NOX4: variants seen among roughly 807,000 people sequenced by gnomAD.
NOX4 encodes kidney oxidase-1.
A neutral mutation model predicts 87.6 loss-of-function variants in NOX4; 69 were observed. That is an observed-to-expected ratio of 0.79 (90% CI 0.65 to 0.96). The LOEUF is 0.96. Ranked by LOEUF, NOX4 falls within the 40% of genes least tolerant of loss-of-function variation. The probability of loss-of-function intolerance (pLI) is 0.00; values close to 1 mark genes in which losing one functional copy is unlikely to be tolerated. For synonymous variants in NOX4, 275 were observed against 238.2 expected, an observed-to-expected ratio of 1.15 and a Z score of -1.42; for missense variants, 680 against 681.5, an observed-to-expected ratio of 1.00 and a Z score of 0.02.
At chr11:89,337,860 T>C (rs1945784999) in intron 15 of NOX4, among the ~76,000 whole-genome samples, 1 of 152,062 alleles carries the variant, frequency 6.6e-6, no homozygotes, top group Non-Finnish European at 1.5e-5. Context: ...CTCAAAATTG[T>C]ACCAGTTTAC....
chr11:89,536,145 T>TTC, the NOX4 span, among the ~76,000 whole-genome samples: 2 of 136,536 alleles, frequency 1.5e-5, no homozygotes, highest in Non-Finnish European at 3.1e-5. Context: ...TTTCTTTTTT[T>TTC]TTTTTTTTTT....
the NOX4 span, among the ~76,000 whole-genome samples, chr11:89,527,852 C>G: frequency 6.6e-6 from 1 of 152,206 alleles, no homozygotes; most frequent in Admixed American, 6.5e-5. Flanking sequence ...ACAGAGTCCA[C>G]ACTGGGACAC....
chr11:89,384,501 A>G (rs985051418), intron 11 of NOX4, among the ~76,000 whole-genome samples: 1 of 152,114 alleles, frequency 6.6e-6, no homozygotes, highest in Non-Finnish European at 1.5e-5. Flanking sequence ...AACCACTTCT[A>G]CAAAACAACA....
chr11:89,431,131 C>A (rs149916785), intron 7 of NOX4, among the ~76,000 whole-genome samples: 2,192 of 152,192 alleles, frequency 0.014, 53 homozygotes, highest in African/African-American at 0.05. Context: ...ATAAATGGTG[C>A]TGGGAAAACT....
intron 11 of NOX4, among the ~76,000 whole-genome samples, chr11:89,397,220 TGGG>T (rs1941553524): frequency 6.6e-6 from 1 of 152,170 alleles, no homozygotes. Context: ...GAATGACTAC[TGGG>T]TAAATAATGA....
chr11:89,454,671 TG>T (rs1565313902), intron 2 of NOX4, among the ~76,000 whole-genome samples: 2 of 152,118 alleles, frequency 1.3e-5, no homozygotes, highest in African/African-American at 4.8e-5. Flanking sequence ...GTAAATAGTC[TG>T]GGCATAAATA....
chr11:89,451,598 C>T (rs1409442900), intron 3 of NOX4, among the ~76,000 whole-genome samples, 187 bp downstream of exon 3: 1 of 152,110 alleles, frequency 6.6e-6, no homozygotes, highest in African/African-American at 2.4e-5. Flanking sequence ...TTACTATTAT[C>T]CTCTGCCCTT....
chr11:89,358,152 A>G (rs2134990114), intron 12 of NOX4, among the ~76,000 whole-genome samples: 1 of 152,220 alleles, frequency 6.6e-6, no homozygotes, highest in South Asian at 2.1e-4. Flanking sequence ...TGGGAGGCTG[A>G]GGCATGTGGA....
In NOX4 at chr11:89,471,179, G is replaced by A. The variant is rs185546711; in HGVS notation, c.153+19279C>T. 8.0e-4 allele frequency among the ~76,000 whole-genome samples: 121 copies of A among 152,048 alleles called. 1 individual carries two copies. The highest frequency in any genetic ancestry group is 2.7e-3 in the African/African-American group (113 of 41,478). On this transcript the variant is annotated intron_variant, in intron 2 of 17. Transcript: ENST00000263317. ...TTTGCCTTTCACCATATCTCTCCTA[G>A]AGCACTTAATTCTTTCTATTATAAT...
the NOX4 span, among the ~76,000 whole-genome samples, chr11:89,534,945 G>A: frequency 6.6e-6 from 1 of 152,154 alleles, no homozygotes; most frequent in African/African-American, 2.4e-5. Flanking sequence ...TTCTCTAAAA[G>A]CCTGAACTTT....
intron 7 of NOX4, among the ~76,000 whole-genome samples, chr11:89,427,761 A>ATG (rs1943522151): frequency 6.6e-6 from 1 of 152,216 alleles, no homozygotes; most frequent in Non-Finnish European, 1.5e-5. Flanking sequence ...CCTGAAAGTG[A>ATG]CGGCGAGAAT....
chr11:89,431,212 G>T (rs1011675691), intron 7 of NOX4, among the ~76,000 whole-genome samples: 8 of 152,098 alleles, frequency 5.3e-5, no homozygotes, highest in Non-Finnish European at 7.4e-5. Flanking sequence ...ATTCAAGATG[G>T]ATTAAAGACT....
intron 7 of NOX4, among the ~76,000 whole-genome samples, chr11:89,430,298 C>T (rs1943706193): frequency 6.6e-6 from 1 of 152,148 alleles, no homozygotes; most frequent in Non-Finnish European, 1.5e-5. Flanking sequence ...TGGCACAAGA[C>T]AGGGATGTCC....
intron 7 of NOX4, among the ~76,000 whole-genome samples, chr11:89,430,083 A>G (rs1943696589): frequency 6.6e-6 from 1 of 152,212 alleles, no homozygotes; most frequent in African/African-American, 2.4e-5. Context: ...CAGCATATAA[A>G]CAGAACCAAA....
At chr11:89,586,396 C>G in the NOX4 span, among the ~76,000 whole-genome samples, 1 of 152,152 alleles carries the variant, frequency 6.6e-6, no homozygotes, top group Non-Finnish European at 1.5e-5. Flanking sequence ...GTACCAATGT[C>G]TTCAGATGAG....
chr11:89,367,441 C>T (rs544124185), intron 12 of NOX4, among the ~76,000 whole-genome samples: 42 of 152,216 alleles, frequency 2.8e-4, no homozygotes, highest in African/African-American at 9.9e-4. Context: ...CTCAGTAATT[C>T]GCAGCAATAT....
intron 8 of NOX4, among the ~76,000 whole-genome samples, chr11:89,421,661 G>C (rs1195506519): frequency 6.6e-6 from 1 of 152,152 alleles, no homozygotes; most frequent in Non-Finnish European, 1.5e-5. Flanking sequence ...AAACTGAAAG[G>C]TTGTTGGAGA....
intron 17 of NOX4, among the ~76,000 whole-genome samples, chr11:89,332,892 A>G (rs1945534774): frequency 6.6e-6 from 1 of 151,892 alleles, no homozygotes; most frequent in African/African-American, 2.4e-5. Flanking sequence ...ATATAATACC[A>G]TCATATAATT....
chr11:89,467,445 T>C (rs1945754427), intron 2 of NOX4, among the ~76,000 whole-genome samples: 3 of 151,990 alleles, frequency 2.0e-5, no homozygotes, highest in Admixed American at 2.0e-4. Context: ...CTGGATGCTT[T>C]AAGAAAATAC....
Sources: allele counts gnomAD v4.1 joint callset (sites outside exome capture counted in the v4.1 genomes callset), GRCh38; gene constraint gnomAD v4.1.1; transcripts MANE v1.5; gene names NCBI Gene and HGNC (gene_info 2026-07-23, HGNC 2026-07-21).